Variants in PDE6C observed in about 807,000 individuals in gnomAD.
The protein encoded by PDE6C is phosphodiesterase 6C, also known as cone cGMP-specific 3',5'-cyclic phosphodiesterase subunit alpha'.
In PDE6C, 75 loss-of-function variants were observed where a neutral mutation model predicts 113.1. The observed-to-expected ratio is 0.66, with a 90% CI of 0.55 to 0.80. The LOEUF is 0.80. Ranked by LOEUF, PDE6C falls within the 30% of genes least tolerant of loss-of-function variation. The probability of loss-of-function intolerance (pLI) is 0.00; values close to 1 mark genes in which losing one functional copy is unlikely to be tolerated. For synonymous variants in PDE6C, 375 were observed against 363.7 expected, an observed-to-expected ratio of 1.03 and a Z score of -0.35; for missense variants, 912 against 1,038.6, an observed-to-expected ratio of 0.88 and a Z score of 1.67.
intron 1 of PDE6C, among the ~76,000 whole-genome samples, chr10:93,619,626 A>G (rs111572334): frequency 6.6e-6 from 1 of 152,062 alleles, no homozygotes; most frequent in Non-Finnish European, 1.5e-5. Context: ...GGGTTTCATC[A>G]TGTTGGCCAG....
At chr10:93,613,418 G>A (rs761360823) in intron 1 of PDE6C, among the ~76,000 whole-genome samples, 4 of 152,172 alleles carry the variant, frequency 2.6e-5, no homozygotes, top group Non-Finnish European at 4.4e-5. Flanking sequence ...GATAAACAAT[G>A]AATTATTATT....
intron 10 of PDE6C, 61 bp from the exon 11 acceptor site, chr10:93,636,934 G>T: frequency 1.2e-6 from 1 of 867,804 alleles, no homozygotes; most frequent in Non-Finnish European, 2.0e-6. Context: ...TAATAGTAGA[G>T]GAATCAGATG....
At chr10:93,630,561 G>A (rs2058496316) in intron 8 of PDE6C, among the ~76,000 whole-genome samples, 1 of 151,920 alleles carries the variant, frequency 6.6e-6, no homozygotes, top group Non-Finnish European at 1.5e-5. Context: ...CTGGGCACTT[G>A]TTATTCTCTG....
At position 93,627,258 on chromosome 10, in the gene PDE6C, C is replaced by CAAGAAAAAAA. The variant is rs71031524; in HGVS notation, c.1071+389_1071+390insGAAAAAAAAA. Among the ~76,000 whole-genome samples, 488 of 52,602 alleles carry CAAGAAAAAAA rather than the reference C, an allele frequency of 9.3e-3. 47 individuals are homozygous for CAAGAAAAAAA. The highest frequency in any genetic ancestry group is 0.029 in the African/African-American group (464 of 15,904). 34.5% of individuals were successfully genotyped at this position (52,602 alleles called of 152,430 possible). A position where few individuals can be genotyped will look rare whatever the true frequency, so the allele number is the denominator to read the frequency against. On this transcript the variant is annotated intron_variant, in intron 7 of 21. Coordinates refer to ENST00000371447, the MANE Select transcript of PDE6C (RefSeq NM_006204.4). ...GCCTGGGCAACAAAGTGAAACTCCA[C>CAAGAAAAAAA]AAAAAAAAAAAAAAAAAAAAAAAAG...
At position 93,636,368 on chromosome 10, in the gene PDE6C, T is replaced by TGTGTGTGTGTGTG. The variant is rs373109205; in HGVS notation, c.1414-627_1414-626insGTGTGTGTGTGTG. 1.1e-4 allele frequency among the ~76,000 whole-genome samples: 15 copies of TGTGTGTGTGTGTG among 141,358 alleles called. No individual in the cohort carries two copies. In the South Asian group the frequency reaches 1.7e-3, roughly 16 times the overall value. 92.7% of individuals were successfully genotyped at this position (141,358 alleles called of 152,430 possible). On this transcript the variant is annotated intron_variant, in intron 10 of 21. Transcript: ENST00000371447. ...CTCTATTTCTTTTATTTCCCTGGCTTTGTGTGTGTGTGTGTGTGTGTGTGT... is the reference window on the plus strand; with the variant it reads ...CTCTATTTCTTTTATTTCCCTGGCTTGTGTGTGTGTGTGTGTGTGTGTGTGTGTGTGTGTGTGT...
At chr10:93,639,603 C>T (rs1405836931) in intron 11 of PDE6C, among the ~76,000 whole-genome samples, 1 of 152,178 alleles carries the variant, frequency 6.6e-6, no homozygotes, top group African/African-American at 2.4e-5. Context: ...AGATGATCCC[C>T]ACCCTCGGGG....
chr10:93,654,760 TTCTTTC>T (rs1564804644), intron 15 of PDE6C, among the ~76,000 whole-genome samples: 11 of 40,356 alleles, frequency 2.7e-4, no homozygotes, highest in Non-Finnish European at 5.0e-4. Context: ...TTTTCTTTCT[TTCTTTC>T]TTTCTTTCTT....
At chr10:93,633,241 G>A (rs536038584) in intron 8 of PDE6C, among the ~76,000 whole-genome samples, 1 of 151,944 alleles carries the variant, frequency 6.6e-6, no homozygotes, top group Non-Finnish European at 1.5e-5. Flanking sequence ...TGAGGCGGGC[G>A]GATCACTTGA....
At chr10:93,648,370 A>C (rs2058594276) in intron 15 of PDE6C, among the ~76,000 whole-genome samples, 1 of 152,202 alleles carries the variant, frequency 6.6e-6, no homozygotes, top group South Asian at 2.1e-4. Flanking sequence ...ATGCAGTCAC[A>C]CAGAGCCTGT....
rs2058624652 is a variant in PDE6C at position 93,654,750 on chromosome 10, T to TTTCCTTTC, written c.1936-1008_1936-1007insCCTTTCTT. Among the ~76,000 whole-genome samples the TTTCCTTTC allele has an allele frequency of 2.5e-5, 3 of 120,712 alleles. No individual in the cohort carries two copies. In the Admixed American group the frequency reaches 2.8e-4, roughly 11 times the overall value. 79.2% of individuals were successfully genotyped at this position (120,712 alleles called of 152,430 possible). A position where few individuals can be genotyped will look rare whatever the true frequency, so the allele number is the denominator to read the frequency against. ...AAACCACCCCCAGCTTATATACTCA[T>TTTCCTTTC]TTTCTTTCTTTCTTTCTTTCTTTCT... On this transcript the variant is annotated intron_variant, in intron 15 of 21. Coordinates refer to ENST00000371447, the MANE Select transcript of PDE6C (RefSeq NM_006204.4).
At chr10:93,664,015 A>G (rs746676794) in intron 21 of PDE6C, among the ~76,000 whole-genome samples, 80 of 152,176 alleles carry the variant, frequency 5.3e-4, no homozygotes, top group Admixed American at 7.9e-4. Flanking sequence ...ATAGGAGAAA[A>G]TATTTTTCTT....
intron 1 of PDE6C, among the ~76,000 whole-genome samples, chr10:93,619,682 T>A (rs2058436161): frequency 6.6e-6 from 1 of 152,152 alleles, no homozygotes; most frequent in East Asian, 1.9e-4. Flanking sequence ...TGCCTTGGCC[T>A]CCCAAAGTGC....
rs2058687470 is a variant in PDE6C at position 93,665,872 on chromosome 10, C to T, written c.*454C>T. 4.0e-5 allele frequency: 10 copies of T among 249,158 alleles called. No homozygotes were observed. In the South Asian group the frequency reaches 4.8e-4, roughly 12 times the overall value. 15.4% of individuals were successfully genotyped at this position (249,158 alleles called of 1,614,324 possible). A position where few individuals can be genotyped will look rare whatever the true frequency, so the allele number is the denominator to read the frequency against. On this transcript the variant is annotated 3_prime_UTR_variant, in exon 22 of 22. Coordinates refer to ENST00000371447, the MANE Select transcript of PDE6C (RefSeq NM_006204.4). ...CTTGGTTTGCAGATGGCCATCTTCT[C>T]CCTGTGTCTTCACATGGTCTTCCCT...
At chr10:93,646,481 A>G (rs2058584974) in intron 15 of PDE6C, among the ~76,000 whole-genome samples, 1 of 152,192 alleles carries the variant, frequency 6.6e-6, no homozygotes, top group Admixed American at 6.5e-5. Context: ...TTGCATTGCT[A>G]TAAAGAAATA....
chr10:93,646,895 A>G lies in PDE6C; in HGVS notation c.1935+848A>G, dbSNP rs944098125. Among the ~76,000 whole-genome samples, 3 of 152,332 alleles carry G rather than the reference A, an allele frequency of 2.0e-5. No homozygotes were observed. In the Middle Eastern group the frequency reaches 0.01, roughly 518 times the overall value. On this transcript the variant is annotated intron_variant, in intron 15 of 21. Coordinates refer to ENST00000371447, the MANE Select transcript of PDE6C (RefSeq NM_006204.4). ...AGGTAGGCATGACGTAGCCACCATC[A>G]GAGAGGCACTGAGCCATGCTCTGAG... is the stretch of plus-strand genomic sequence containing the variant.
chr10:93,641,616 C>G (rs1207923712), intron 14 of PDE6C, among the ~76,000 whole-genome samples: 1 of 152,040 alleles, frequency 6.6e-6, no homozygotes, highest in East Asian at 1.9e-4. Context: ...TGCACTCCAG[C>G]TGGAGCGACA....
chr10:93,634,656 C>T (rs2058519174), intron 8 of PDE6C, 102 bp from the exon 9 acceptor site: 5 of 1,251,908 alleles, frequency 4.0e-6, no homozygotes, highest in Non-Finnish European at 4.6e-6. Context: ...TGAAGGGTAC[C>T]TGAAATCTCT....
At chr10:93,627,649 T>C (rs7094543) in intron 7 of PDE6C, among the ~76,000 whole-genome samples, 23,890 of 152,088 alleles carry the variant, frequency 0.16, 2,768 homozygotes, top group African/African-American at 0.33. Flanking sequence ...TAGAACATAA[T>C]GTTCTTCAAA....
At chr10:93,618,853 C>T (rs1238875614) in intron 1 of PDE6C, among the ~76,000 whole-genome samples, 2 of 152,184 alleles carry the variant, frequency 1.3e-5, no homozygotes, top group African/African-American at 2.4e-5. Flanking sequence ...AAATGACACA[C>T]CCAGAAAATT....
Sources: gnomAD v4.1 joint callset for allele counts (sites outside exome capture counted in the v4.1 genomes callset) on GRCh38, gnomAD v4.1.1 for gene constraint, MANE v1.5 for transcripts, NCBI Gene and HGNC (gene_info 2026-07-23, HGNC 2026-07-21) for gene names.